FRMD7: variants seen among roughly 807,000 people sequenced by gnomAD.
FRMD7 encodes the protein FERM domain containing 7, also known as FERM domain-containing protein 7.
In FRMD7, 14 loss-of-function variants were observed where a neutral mutation model predicts 44.1. The observed-to-expected ratio is 0.32, with a 90% confidence interval of 0.21 to 0.50. FRMD7 has a LOEUF of 0.50. Among genes scored for constraint, FRMD7 ranks in the 20% least tolerant of loss-of-function variants. FRMD7 has a pLI of 0.99. For missense variants in FRMD7, 501 were observed against 522.3 expected (o/e 0.96, Z 0.40); for synonymous variants, 212 against 187.4 (o/e 1.13, Z -1.07).
intron 1 of FRMD7, among the ~76,000 whole-genome samples, chrX:132,114,038 C>T (rs1050938523): frequency 9.2e-6 from 1 of 108,428 alleles, no homozygotes; most frequent in Non-Finnish European, 1.9e-5. Context: ...CCACCTTCTG[C>T]TTATGACTTC....
intron 1 of FRMD7, among the ~76,000 whole-genome samples, chrX:132,120,063 G>C (rs897944465): frequency 9.0e-6 from 1 of 111,547 alleles, no homozygotes; most frequent in Non-Finnish European, 1.9e-5. Flanking sequence ...CCGCCTCCCA[G>C]ATGATTTTCC....
intron 1 of FRMD7, among the ~76,000 whole-genome samples, chrX:132,125,499 A>G (rs1441348835): frequency 1.8e-5 from 2 of 111,545 alleles, no homozygotes; most frequent in Non-Finnish European, 3.8e-5. Flanking sequence ...TCAGCTATCA[A>G]TGGGTTCTCT....
chrX:132,115,024 G>A (rs940326836), intron 1 of FRMD7, among the ~76,000 whole-genome samples: 11 of 112,337 alleles, frequency 9.8e-5, no homozygotes, highest in Non-Finnish European at 2.1e-4. Context: ...CACATATGTC[G>A]TGCACACTGT....
rs1927680175 is a variant in FRMD7 at position 132,078,277 on chromosome X, A to G, written c.1740T>C (p.Cys580=). Residue 580 remains cysteine, a synonymous_variant, in exon 12 of 12, where the codon TGT becomes TGC. Coordinates refer to ENST00000298542, the MANE Select transcript of FRMD7 (RefSeq NM_194277.3). ...EDPNLEDAFV[C]NIQEQTPKRS... is the part of the protein sequence containing the mutation. ...TTTTAGGGGTTTGCTCTTGAATGTT[A>G]CATACAAATGCATCTTCCAAATTTG... 2 of 1,209,713 alleles carry G rather than the reference A, an allele frequency of 1.7e-6. No individual in the cohort carries two copies. The highest frequency in any genetic ancestry group is 5.9e-5 in the East Asian group (2 of 33,766).
In FRMD7 at chrX:132,082,515, C is replaced by A. The variant is rs755389977; in HGVS notation, c.753G>T (p.Lys251Asn). ...KLHANILVLCKDTLEFTMASR... is the reference protein window; with the variant it reads ...KLHANILVLCNDTLEFTMASR... ...TGGCCATGGTGAACTCCAAGGTATC[C>A]TTGCACAACACCTGTATAAACCAAT... Residue 251 changes from lysine to asparagine, a missense_variant, in exon 9 of 12, where the codon AAG (lysine) becomes AAT (asparagine). By Grantham distance (94) the Lys-to-Asn change is moderately conservative. Around this residue, in one of 3 missense-constraint regions of FRMD7, gnomAD observed 453 missense variants for 452.7 expected, o/e 1.00. Coordinates refer to ENST00000298542, the MANE Select transcript of FRMD7 (RefSeq NM_194277.3). 8.3e-7 allele frequency: 1 copy of A among 1,206,078 alleles called. No homozygotes were observed. Among genetic ancestry groups the A allele is most frequent in the Non-Finnish European group, 1.1e-6 (1 of 891,324 alleles).
Position 132,090,104 on chromosome X carries a change from G to A in FRMD7, c.382+3938C>T, listed in dbSNP as rs145207214. 1.8e-4 allele frequency among the ~76,000 whole-genome samples: 20 copies of A among 112,089 alleles called. No homozygotes were observed. In the East Asian group the frequency reaches 4.5e-3, roughly 25 times the overall value. The stretch of plus-strand genomic sequence containing the variant: ...ATAGATAAACAAAATGTGGCTGGGC[G>A]CAGTGGCTCACTCCTGTAATCCCAA... On this transcript the variant is annotated intron_variant, in intron 5 of 11. Coordinates refer to ENST00000298542, the MANE Select transcript of FRMD7 (RefSeq NM_194277.3).
rs771169687 is a variant in FRMD7, at chrX:132,094,078, T to C, written c.346A>G (p.Asn116Asp). Residue 116 changes from asparagine (N) to aspartate (D), a missense_variant, in exon 5 of 12, where the codon AAC (asparagine) becomes GAC (aspartate). Coordinates refer to ENST00000298542, the MANE Select transcript of FRMD7 (RefSeq NM_194277.3). ...LALGRLPCSDNCTALMVSHIL... is the reference protein window; with the variant it reads ...LALGRLPCSDDCTALMVSHIL... ...TGAGATACCATCAACGCTGTACAGT[T>C]GTCACTGCATGGAAGCCTTCCTAGA... 6 of 1,178,941 alleles carry C rather than the reference T, an allele frequency of 5.1e-6. No homozygotes were observed. In the Admixed American group the frequency reaches 8.7e-5, roughly 17 times the overall value.
In FRMD7 at chrX:132,126,944, C is replaced by A. The variant is rs746411870; in HGVS notation, c.57+844G>T. ...CCACACACACAACATCATGGCTGAG[C>A]CACAGCAGTTGTCAGTTTATGTATA... On this transcript the variant is annotated intron_variant, in intron 1 of 11. Transcript: ENST00000298542. Among the ~76,000 whole-genome samples the A allele has an allele frequency of 2.7e-5, 3 of 112,263 alleles. No homozygotes were observed. In the South Asian group the frequency reaches 1.1e-3, roughly 42 times the overall value.
At position 132,094,028 on chromosome X, in the gene FRMD7, C is replaced by T. The variant is rs748904512; in HGVS notation, c.382+14G>A. On this transcript the variant is annotated intron_variant, in intron 5 of 11. Coordinates refer to ENST00000298542, the MANE Select transcript of FRMD7 (RefSeq NM_194277.3). ...GCTGATAGGTCCCAAAGCAGACAGA[C>T]ATTTGCTACTTACATTGTAAGATGT... 1.3e-5 allele frequency: 14 copies of T among 1,039,415 alleles called. No homozygotes were observed. The highest frequency in any genetic ancestry group is 8.1e-6 in the Non-Finnish European group (6 of 740,165). 85.7% of individuals were successfully genotyped at this position (1,039,415 alleles called of 1,213,427 possible).
chrX:132,092,158 C>G (rs1174524854), intron 5 of FRMD7, among the ~76,000 whole-genome samples: 1 of 111,574 alleles, frequency 9.0e-6, no homozygotes, highest in African/African-American at 3.3e-5. Context: ...GAATTAACGA[C>G]CAAGAAGAGT....
intron 1 of FRMD7, among the ~76,000 whole-genome samples, chrX:132,116,978 C>T (rs1928916441): frequency 8.9e-6 from 1 of 112,058 alleles, no homozygotes; most frequent in Non-Finnish European, 1.9e-5. Flanking sequence ...ATCCTGTTTG[C>T]ACCACTCACT....
At chrX:132,107,972 C>G (rs1241065835) in intron 1 of FRMD7, among the ~76,000 whole-genome samples, 1 of 111,477 alleles carries the variant, frequency 9.0e-6, no homozygotes, top group Non-Finnish European at 1.9e-5. Context: ...TGTGCTAAGC[C>G]CTTGCAATAA....
At chrX:132,100,537 C>A in intron 2 of FRMD7, 75 bp downstream of exon 2, 1 of 682,896 alleles carries the variant, frequency 1.5e-6, no homozygotes, top group East Asian at 3.2e-5. Flanking sequence ...GGGAATTGAA[C>A]CCTACATACC....
Position 132,096,582 on chromosome X carries a change from G to A in FRMD7, c.284+684C>T, listed in dbSNP as rs773491782. On this transcript the variant is annotated intron_variant, in intron 4 of 11. Transcript: ENST00000298542. ...AAAAAAAAAACCTTAAAAATTAGCCGGGCGTGGCGGCAAGTTCCTGTAGTC... is the reference window on the plus strand; with the variant it reads ...AAAAAAAAAACCTTAAAAATTAGCCAGGCGTGGCGGCAAGTTCCTGTAGTC... Among the ~76,000 whole-genome samples the A allele has an allele frequency of 1.8e-3, 168 of 94,519 alleles. 2 individuals carry two copies. Among genetic ancestry groups the A allele is most frequent in the African/African-American group, 6.4e-3 (154 of 24,020 alleles). 82.1% of individuals were successfully genotyped at this position (94,519 alleles called of 115,157 possible).
At chrX:132,107,852 G>A (rs1928686306) in intron 1 of FRMD7, among the ~76,000 whole-genome samples, 1 of 111,636 alleles carries the variant, frequency 9.0e-6, no homozygotes, top group Admixed American at 9.5e-5. Flanking sequence ...TGCTTTTTAT[G>A]ACTTTTGGCT....
chrX:132,127,143 G>A (rs1929176025), intron 1 of FRMD7, among the ~76,000 whole-genome samples: 1 of 112,517 alleles, frequency 8.9e-6, no homozygotes, highest in African/African-American at 3.2e-5. Context: ...ATCTTAAGAT[G>A]TTGGAACATG....
At chrX:132,092,534 T>C (rs1928208338) in intron 5 of FRMD7, among the ~76,000 whole-genome samples, 1 of 112,375 alleles carries the variant, frequency 8.9e-6, no homozygotes. Context: ...AAGAACTACC[T>C]AGTTGGAACT....
At chrX:132,090,803 G>A (rs891983090) in intron 5 of FRMD7, among the ~76,000 whole-genome samples, 2 of 111,159 alleles carry the variant, frequency 1.8e-5, no homozygotes, top group East Asian at 2.8e-4. Flanking sequence ...CAAATCCCAC[G>A]TTGACCCTAA....
At chrX:132,082,285 T>C in intron 9 of FRMD7, 78 bp downstream of exon 9, 1 of 828,092 alleles carries the variant, frequency 1.2e-6, no homozygotes, top group Non-Finnish European at 1.8e-6. Context: ...GCTTCTAGAA[T>C]GTGAACTCCT....
Sources: gnomAD v4.1 joint callset for allele counts (sites outside exome capture counted in the v4.1 genomes callset) on GRCh38, gnomAD v4.1.1 for gene constraint, gnomAD v4.1.1 regional missense constraint, MANE v1.5 for transcripts, NCBI Gene and HGNC (gene_info 2026-07-23, HGNC 2026-07-21) for gene names.